The following RFNG variants were observed in gnomAD, a reference collection of about 807,000 sequenced individuals.
The protein encoded by RFNG is RFNG O-fucosylpeptide 3-beta-N-acetylglucosaminyltransferase, also known as beta-1,3-N-acetylglucosaminyltransferase radical fringe.
Under a neutral mutation model 29.6 loss-of-function variants are expected in RFNG, and 37 were observed. That is an observed-to-expected ratio of 1.25 (90% CI 0.96 to 1.65). The LOEUF (loss-of-function observed/expected upper bound fraction) is 1.65, where lower values mean the gene tolerates loss of function less well. RFNG is among the 40% of genes most tolerant of loss of function. The pLI, the probability that RFNG is intolerant of heterozygous loss-of-function variation, is 0.00. For synonymous variants in RFNG, 276 were observed against 197.3 expected, an observed-to-expected ratio of 1.40 and a Z score of -3.34; for missense variants, 546 against 457.0, an observed-to-expected ratio of 1.19 and a Z score of -1.78.
Position 82,049,840 on chromosome 17 carries a change from A to G in RFNG, c.665T>C (p.Leu222Pro). The G allele has an allele frequency of 6.2e-7, 1 of 1,600,478 alleles. No homozygotes were observed. Among genetic ancestry groups the G allele is most frequent in the Non-Finnish European group, 8.5e-7 (1 of 1,173,940 alleles). ...LALKMSPWAS[L>P]GSFMSTAEQV... ...CTCAGCTGTGCTCATGAAGCTGCCCAGGCTGGGGGGAGGCCGGTCAGCACC... is the reference window on the plus strand; with the variant it reads ...CTCAGCTGTGCTCATGAAGCTGCCCGGGCTGGGGGGAGGCCGGTCAGCACC... The change falls in exon 6 of 8, where the codon CTG (leucine) becomes CCG (proline). Residue 222 changes from leucine (L) to proline (P), a missense_variant and splice_region_variant. By Grantham distance (98) the Leu-to-Pro change is moderately conservative. Coordinates refer to ENST00000310496, the MANE Select transcript of RFNG (RefSeq NM_002917.2).
At position 82,049,057 on chromosome 17, in the gene RFNG, G is replaced by A. The variant is rs200570766; in HGVS notation, c.888C>T (p.Gly296=). The A allele has an allele frequency of 1.4e-5, 23 of 1,613,522 alleles. No individual in the cohort carries two copies. Among genetic ancestry groups the A allele is most frequent in the South Asian group, 1.1e-4 (10 of 91,090 alleles). ...GTGTGGGGTCTTGATGCAGGCTGAAGCCTCCAGCCACGTTCACCACGTTAT... is the reference window on the plus strand; with the variant it reads ...GTGTGGGGTCTTGATGCAGGCTGAAACCTCCAGCCACGTTCACCACGTTAT... ...NPHNVVNVAG[G]FSLHQDPTRF... is the part of the protein sequence containing the mutation. Residue 296 remains glycine (G), a synonymous_variant, in exon 7 of 8, where the codon GGC becomes GGT. Transcript: ENST00000310496.
In RFNG at chr17:82,050,107, G is replaced by A. The variant is rs973271450; in HGVS notation, c.574-101C>T. On this transcript the variant is annotated intron_variant, in intron 4 of 7. Transcript: ENST00000310496. ...ATCTTTCTTAAGCTGCCCCTTAGGA[G>A]ATCCCACCCAGGTAACAGAAGCTTC... is the stretch of plus-strand genomic sequence containing the variant. 4 of 1,057,138 alleles carry A rather than the reference G, an allele frequency of 3.8e-6. No homozygotes were observed. In the African/African-American group the frequency reaches 4.8e-5, roughly 13 times the overall value. The allele number at this position is 1,057,138 out of a possible 1,614,324, so 65.5% of individuals were successfully genotyped here. A position where few individuals can be genotyped will look rare whatever the true frequency, so the allele number is the denominator to read the frequency against.
rs1313313300 is a variant in RFNG, at chr17:82,048,473, G to T, written c.*253C>A. 5.6e-6 allele frequency: 3 copies of T among 538,460 alleles called. No individual in the cohort carries two copies. Among genetic ancestry groups the T allele is most frequent in the Non-Finnish European group, 1.0e-5 (3 of 296,480 alleles). The allele number at this position is 538,460 out of a possible 1,614,324, so 33.4% of individuals were successfully genotyped here. A position where few individuals can be genotyped will look rare whatever the true frequency, so the allele number is the denominator to read the frequency against. On this transcript the variant is annotated 3_prime_UTR_variant, in exon 8 of 8. Coordinates refer to ENST00000310496, the MANE Select transcript of RFNG (RefSeq NM_002917.2). ...GCCTGTTCCCGTGGGATCAACCTTG[G>T]GGCTGGGTCGGGGGGAGGGGCACTG...
At position 82,049,922 on chromosome 17, in the gene RFNG, C is replaced by T. The variant is rs764075934; in HGVS notation, c.658G>A (p.Ala220Thr). Residue 220 changes from alanine to threonine, a missense_variant, in exon 5 of 8, where the codon GCC becomes ACC. Ala to Thr is a moderately conservative substitution (Grantham distance 58, BLOSUM62 0). Coordinates refer to ENST00000310496, the MANE Select transcript of RFNG (RefSeq NM_002917.2). ...GGCAGCTGGACCCCCACTCACCTGGCCCATGGGCTCATCTTGAGGGCAAGG... is the reference window on the plus strand; with the variant it reads ...GGCAGCTGGACCCCCACTCACCTGGTCCATGGGCTCATCTTGAGGGCAAGG... ...RGLALKMSPW[A>T]SLGSFMSTAE... is the part of the protein sequence containing the mutation. 13 of 1,612,054 alleles carry T rather than the reference C, an allele frequency of 8.1e-6. No homozygotes were observed. Among genetic ancestry groups the T allele is most frequent in the Non-Finnish European group, 8.5e-7 (1 of 1,179,668 alleles).
In RFNG at chr17:82,048,542, C is replaced by G. The variant is rs760405391; in HGVS notation, c.*184G>C. On this transcript the variant is annotated 3_prime_UTR_variant, in exon 8 of 8. Transcript: ENST00000310496. ...TGGCTGTCTTCGTTCTCCCAAAACA[C>G]CCATCACCGCAGCCCACCAGGGGCT... 3.1e-5 allele frequency: 19 copies of G among 609,272 alleles called. No individual in the cohort carries two copies. Among genetic ancestry groups the G allele is most frequent in the Non-Finnish European group, 5.6e-5 (19 of 341,810 alleles). 37.7% of individuals were successfully genotyped at this position (609,272 alleles called of 1,614,324 possible).
Position 82,051,645 on chromosome 17 carries a change from G to A in RFNG, c.122C>T (p.Pro41Leu). 1.9e-6 allele frequency: 2 copies of A among 1,069,042 alleles called. No homozygotes were observed. The highest frequency in any genetic ancestry group is 4.2e-4 in the Middle Eastern group (1 of 2,370). 66.2% of individuals were successfully genotyped at this position (1,069,042 alleles called of 1,614,324 possible). The change falls in exon 1 of 8, where the codon CCG becomes CTG. Residue 41 changes from proline to leucine, a missense_variant. Coordinates refer to ENST00000310496, the MANE Select transcript of RFNG (RefSeq NM_002917.2). The surrounding 1 kb of genome is among the most constrained non-coding windows in gnomAD (Gnocchi z 4.1). ...CCGGGACGGGGGCGCGCGCGGGGCCGGGGCGGGGGTCCGGGCCGGGGCGGG... is the reference window on the plus strand; with the variant it reads ...CCGGGACGGGGGCGCGCGCGGGGCCAGGGCGGGGGTCCGGGCCGGGGCGGG... ...RAPAPARTPA[P>L]APRAPPSRPA...
At chr17:82,050,320 A>C (rs2030291340) in intron 4 of RFNG, 82 bp downstream of exon 4, 1 of 1,462,822 alleles carries the variant, frequency 6.8e-7, no homozygotes, top group East Asian at 2.3e-5. Context: ...TTCTCAAGCC[A>C]GCTTTCCACG....
At chr17:82,049,378 G>T in intron 6 of RFNG, 1 of 698,510 alleles carries the variant, frequency 1.4e-6, no homozygotes, top group Non-Finnish European at 2.6e-6. Context: ...CACGTGATGG[G>T]ACCTGTTCCG....
In RFNG at chr17:82,050,498, CA is replaced by C. The variant is rs753592334; in HGVS notation, c.476del (p.Leu159ArgfsTer34). On this transcript the variant is annotated frameshift_variant, in exon 4 of 8. Coordinates refer to ENST00000310496, the MANE Select transcript of RFNG (RefSeq NM_002917.2). LOFTEE classifies it high-confidence loss of function. ...NYVNARSLLH[L>X]LSSFSPSQDV... ...CCTGGCTGGGTGAGAAGCTGGAGAG[CA>C]GGTGCAGGAGGCTCCTGGCGTTCAC... is the stretch of plus-strand genomic sequence containing the variant. 4 of 1,613,056 alleles carry C rather than the reference CA, an allele frequency of 2.5e-6. No individual in the cohort carries two copies. The South Asian group carries it at 4.4e-5, about 18-fold the overall frequency.
chr17:82,050,366 G>T lies in RFNG; in HGVS notation c.573+36C>A, dbSNP rs574903638. 4.6e-6 allele frequency: 7 copies of T among 1,529,816 alleles called. No individual in the cohort carries two copies. In the East Asian group the frequency reaches 1.1e-4, roughly 25 times the overall value. 94.8% of individuals were successfully genotyped at this position (1,529,816 alleles called of 1,614,324 possible). On this transcript the variant is annotated intron_variant, in intron 4 of 7. Coordinates refer to ENST00000310496, the MANE Select transcript of RFNG (RefSeq NM_002917.2). ...TGCCTCCCGGGCTGGTGTCAAGGAA[G>T]GCGTCTGCTCCGATGGCGTCTGCTC...
chr17:82,049,139 G>C (rs371598463), intron 6 of RFNG, 23 bp from the exon 7 acceptor site: 221 of 1,601,920 alleles, frequency 1.4e-4, no homozygotes, highest in Non-Finnish European at 1.8e-4. Flanking sequence ...GGTGTGGGCA[G>C]AGTGTGTGGC....
Position 82,048,746 on chromosome 17 carries a change from C to T in RFNG, c.976G>A (p.Gly326Ser), listed in dbSNP as rs749948798. 1.2e-6 allele frequency: 2 copies of T among 1,613,092 alleles called. No homozygotes were observed. Among genetic ancestry groups the T allele is most frequent in the South Asian group, 1.1e-5 (1 of 91,068 alleles). The change falls in exon 8 of 8, where the codon GGC (glycine) becomes AGC (serine). Residue 326 changes from glycine to serine, a missense_variant. Physicochemically the swap from Gly to Ser is moderately conservative, Grantham distance 56. Coordinates refer to ENST00000310496, the MANE Select transcript of RFNG (RefSeq NM_002917.2). ...TGGTGTCACCGAGAGGTCGGGGCGCCCTGTTTCTGCCTGGGACACCAGTCC... is the reference window on the plus strand; with the variant it reads ...TGGTGTCACCGAGAGGTCGGGGCGCTCTGTTTCTGCCTGGGACACCAGTCC... ...DTDWCPRQKQ[G>S]APTSR is the part of the protein sequence containing the mutation.
In RFNG at chr17:82,051,550, G is replaced by A. The variant is rs1447717174; in HGVS notation, c.217C>T (p.Pro73Ser). The change falls in exon 1 of 8, where the codon CCG (proline) becomes TCG (serine). Residue 73 changes from proline to serine, a missense_variant. Pro to Ser is a moderately conservative substitution (Grantham distance 74, BLOSUM62 -1). Coordinates refer to ENST00000310496, the MANE Select transcript of RFNG (RefSeq NM_002917.2). The surrounding 1 kb of genome is among the most constrained non-coding windows in gnomAD (Gnocchi z 4.1). ...AVKTTRKNHG[P>S]RLRLLLRTWI... ...GTGCGCAGCAGCAGCCGCAGGCGCG[G>A]CCCGTGGTTCTTCCGGGTGGTCTTG... is the stretch of plus-strand genomic sequence containing the variant. 5.6e-5 allele frequency: 78 copies of A among 1,397,808 alleles called. No homozygotes were observed. The highest frequency in any genetic ancestry group is 6.7e-5 in the Non-Finnish European group (72 of 1,071,772). The allele number at this position is 1,397,808 out of a possible 1,614,324, so 86.6% of individuals were successfully genotyped here. A position where few individuals can be genotyped will look rare whatever the true frequency, so the allele number is the denominator to read the frequency against.
Position 82,048,736 on chromosome 17 carries a change from G to T in RFNG, c.986C>A (p.Thr329Asn). ...TCGGGGTGGTTGGTGTCACCGAGAG[G>T]TCGGGGCGCCCTGTTTCTGCCTGGG... ...WCPRQKQGAP[T>N]SR The change falls in exon 8 of 8, where the codon ACC (threonine) becomes AAC (asparagine). Residue 329 changes from threonine (T) to asparagine (N), a missense_variant. Coordinates refer to ENST00000310496, the MANE Select transcript of RFNG (RefSeq NM_002917.2). The T allele has an allele frequency of 6.2e-7, 1 of 1,612,882 alleles. No homozygotes were observed. The highest frequency in any genetic ancestry group is 1.1e-5 in the South Asian group (1 of 91,080).
chr17:82,050,632 C>T (rs991903999), intron 3 of RFNG, 30 bp downstream of exon 3: 2 of 1,610,918 alleles, frequency 1.2e-6, no homozygotes, highest in African/African-American at 2.7e-5. Flanking sequence ...TGGCTCTGAG[C>T]TCTCTGCGGG....
At chr17:82,049,422 C>G in intron 6 of RFNG, 1 of 701,962 alleles carries the variant, frequency 1.4e-6, no homozygotes, top group Non-Finnish European at 2.6e-6. Flanking sequence ...CACCCACTGC[C>G]CAGCTGGCAT....
chr17:82,048,981 G>A, intron 7 of RFNG, 50 bp downstream of exon 7: 5 of 1,580,200 alleles, frequency 3.2e-6, no homozygotes, highest in Non-Finnish European at 4.3e-6. Context: ...GGGAGCTGAT[G>A]CCAGAGCCCC....
chr17:82,051,563 C>A lies in RFNG; in HGVS notation c.204G>T (p.Arg68=). The part of the protein sequence containing the change: ...DDVFIAVKTT[R]KNHGPRLRLL... ...GCCGCAGGCGCGGCCCGTGGTTCTT[C>A]CGGGTGGTCTTGACGGCGATGAAGA... The change falls in exon 1 of 8, where the codon CGG becomes CGT. Residue 68 remains arginine (R), a synonymous_variant. Coordinates refer to ENST00000310496, the MANE Select transcript of RFNG (RefSeq NM_002917.2). The surrounding 1 kb of genome is among the most constrained non-coding windows in gnomAD (Gnocchi z 4.1). The A allele has an allele frequency of 7.2e-7, 1 of 1,391,560 alleles. No individual in the cohort carries two copies. Among genetic ancestry groups the A allele is most frequent in the Non-Finnish European group, 9.4e-7 (1 of 1,068,488 alleles). The allele number at this position is 1,391,560 out of a possible 1,614,324, so 86.2% of individuals were successfully genotyped here. A position where few individuals can be genotyped will look rare whatever the true frequency, so the allele number is the denominator to read the frequency against.
chr17:82,049,358 C>A, intron 6 of RFNG: 1 of 698,958 alleles, frequency 1.4e-6, no homozygotes, highest in Non-Finnish European at 2.6e-6. Context: ...CCCTCATTCC[C>A]TCCCTGCTCC....
Sources: gnomAD v4.1 joint callset for allele counts on GRCh38, gnomAD v4.1.1 for gene constraint, Gnocchi (gnomAD v3.1) non-coding constraint, MANE v1.5 for transcripts, NCBI Gene and HGNC (gene_info 2026-07-23, HGNC 2026-07-21) for gene names.